The following CACNA2D3 variants were observed in gnomAD, a reference collection of about 807,000 sequenced individuals.
The protein encoded by CACNA2D3 is calcium voltage-gated channel auxiliary subunit alpha2delta 3, also known as voltage-dependent calcium channel subunit alpha-2/delta-3.
A neutral mutation model predicts 160.6 loss-of-function variants in CACNA2D3; 60 were observed. The ratio of observed to expected loss-of-function variants is 0.37; its 90% CI spans 0.30 to 0.46. The LOEUF (loss-of-function observed/expected upper bound fraction) is 0.46, where lower values mean the gene tolerates loss of function less well. Ranked by LOEUF, CACNA2D3 falls within the 20% of genes least tolerant of loss-of-function variation. The pLI is 1.00. For synonymous variants in CACNA2D3, 558 were observed against 492.9 expected, an observed-to-expected ratio of 1.13 and a Z score of -1.75; for missense variants, 1,205 against 1,365.0, an observed-to-expected ratio of 0.88 and a Z score of 1.85.
At position 54,969,851 on chromosome 3, in the gene CACNA2D3, C is replaced by T. The variant is rs377665125; in HGVS notation, c.2556+7C>T. On this transcript the variant is annotated splice_region_variant and intron_variant, in intron 29 of 37. Transcript: ENST00000474759. ...CATCAGCTGTGATGATGAGGTAAGACGGCCTCCTGGTCCTGTTTCTACCCC... is the reference window on the plus strand; with the variant it reads ...CATCAGCTGTGATGATGAGGTAAGATGGCCTCCTGGTCCTGTTTCTACCCC... The T allele has an allele frequency of 6.0e-5, 96 of 1,612,636 alleles. No individual in the cohort carries two copies. Among genetic ancestry groups the T allele is most frequent in the Non-Finnish European group, 7.8e-5 (92 of 1,179,102 alleles).
chr3:54,405,470 G>C (rs35221846), intron 4 of CACNA2D3, among the ~76,000 whole-genome samples: 1 of 151,848 alleles, frequency 6.6e-6, no homozygotes, highest in East Asian at 1.9e-4. Context: ...CACAATGGGG[G>C]AAAGAATAGT....
At chr3:54,566,917 G>T (rs959869074) in intron 6 of CACNA2D3, among the ~76,000 whole-genome samples, 11 of 152,144 alleles carry the variant, frequency 7.2e-5, no homozygotes, top group African/African-American at 2.4e-4. Context: ...TCAAGTTCAG[G>T]TTCTGTGCAC....
intron 11 of CACNA2D3, among the ~76,000 whole-genome samples, chr3:54,670,159 A>G (rs1700132311): frequency 6.6e-6 from 1 of 152,300 alleles, no homozygotes; most frequent in South Asian, 2.1e-4. Context: ...CAGCATGCCC[A>G]TACGTTTTCT....
At chr3:54,960,232 G>A (rs975710267) in intron 27 of CACNA2D3, among the ~76,000 whole-genome samples, 3 of 152,056 alleles carry the variant, frequency 2.0e-5, no homozygotes, top group Admixed American at 6.5e-5. Context: ...CTTCTGCTGC[G>A]GCCTTGTCAA....
chr3:54,584,426 T>C (rs1045950771), intron 9 of CACNA2D3, among the ~76,000 whole-genome samples: 3 of 152,088 alleles, frequency 2.0e-5, no homozygotes, highest in African/African-American at 7.2e-5. Context: ...AGAGTGAAGA[T>C]GACAGCAGAT....
At chr3:54,490,781 A>G (rs920656781) in intron 4 of CACNA2D3, among the ~76,000 whole-genome samples, 3 of 152,116 alleles carry the variant, frequency 2.0e-5, no homozygotes, top group Non-Finnish European at 4.4e-5. Flanking sequence ...AGTTTCCCCC[A>G]TGGGGAGAAG....
At chr3:54,449,698 C>A (rs1700275891) in intron 4 of CACNA2D3, among the ~76,000 whole-genome samples, 1 of 152,120 alleles carries the variant, frequency 6.6e-6, no homozygotes, top group Non-Finnish European at 1.5e-5. Flanking sequence ...CTCCACCTAC[C>A]TTTTTGTCCC....
chr3:54,577,689 A>C (rs1258371371), intron 8 of CACNA2D3, among the ~76,000 whole-genome samples: 1 of 152,104 alleles, frequency 6.6e-6, no homozygotes, highest in African/African-American at 2.4e-5. Flanking sequence ...TCTCATTCTT[A>C]CGTGCCAGGT....
intron 11 of CACNA2D3, among the ~76,000 whole-genome samples, chr3:54,687,121 C>CTTTTTCTTTTTCTTTTTCTTT: frequency 1.7e-4 from 16 of 94,964 alleles, no homozygotes; most frequent in African/African-American, 6.0e-4. Flanking sequence ...TTTTCTTTTT[C>CTTTTTCTTTTTCTTTTTCTTT]TTTTTTTTTT....
intron 8 of CACNA2D3, among the ~76,000 whole-genome samples, chr3:54,578,893 C>A (rs963678491): frequency 3.3e-5 from 5 of 152,212 alleles, no homozygotes; most frequent in African/African-American, 4.8e-5. Context: ...TCTGTTGCCT[C>A]ACTCAATTTC....
chr3:54,882,576 G>A (rs1358533948), intron 21 of CACNA2D3, among the ~76,000 whole-genome samples: 3 of 152,172 alleles, frequency 2.0e-5, no homozygotes, highest in Admixed American at 6.5e-5. Flanking sequence ...TCAGCAAGGG[G>A]GAGAGTGGCT....
At chr3:54,841,524 C>T (rs924214074) in intron 16 of CACNA2D3, among the ~76,000 whole-genome samples, 21 of 152,160 alleles carry the variant, frequency 1.4e-4, no homozygotes, top group Admixed American at 4.6e-4. Flanking sequence ...CAGCCATGGC[C>T]AAATGGGCCC....
chr3:54,469,165 C>G (rs982210516), intron 4 of CACNA2D3, among the ~76,000 whole-genome samples: 2 of 152,164 alleles, frequency 1.3e-5, no homozygotes, highest in African/African-American at 4.8e-5. Flanking sequence ...ATAGACACCT[C>G]ATACAGGAGA....
chr3:54,809,022 T>A (rs1331244204), intron 13 of CACNA2D3, among the ~76,000 whole-genome samples: 1 of 152,184 alleles, frequency 6.6e-6, no homozygotes, highest in Non-Finnish European at 1.5e-5. Context: ...CTCACATTAA[T>A]CTCATGAAAT....
intron 4 of CACNA2D3, among the ~76,000 whole-genome samples, chr3:54,393,006 T>C (rs1699308277): frequency 6.6e-6 from 1 of 152,180 alleles, no homozygotes; most frequent in Non-Finnish European, 1.5e-5. Flanking sequence ...AATAAACTGC[T>C]GGATTTTGAT....
intron 27 of CACNA2D3, chr3:54,918,348 TTTTTTTTGTC>T: frequency 2.5e-6 from 1 of 402,882 alleles, no homozygotes; most frequent in African/African-American, 2.2e-5. Context: ...TTTTTTTTTT[TTTTTTTTGTC>T]TTTTGGCAAA....
chr3:54,333,606 C>A (rs539469553), intron 3 of CACNA2D3, among the ~76,000 whole-genome samples: 3 of 152,040 alleles, frequency 2.0e-5, no homozygotes, highest in Non-Finnish European at 4.4e-5. Context: ...TACAGCCCAC[C>A]GAGAGTGAAG....
At chr3:54,960,334 A>G (rs886629128) in intron 27 of CACNA2D3, among the ~76,000 whole-genome samples, 2 of 152,176 alleles carry the variant, frequency 1.3e-5, no homozygotes, top group African/African-American at 4.8e-5. Context: ...TGTATAAGAA[A>G]GATTACCAAC....
chr3:54,222,976 G>A (rs1337720957), intron 2 of CACNA2D3, among the ~76,000 whole-genome samples: 1 of 152,092 alleles, frequency 6.6e-6, no homozygotes, highest in Non-Finnish European at 1.5e-5. Flanking sequence ...CATATGTTCT[G>A]TGTTACTTTT....
Sources: allele counts gnomAD v4.1 joint callset (sites outside exome capture counted in the v4.1 genomes callset), GRCh38; gene constraint gnomAD v4.1.1; transcripts MANE v1.5; gene names NCBI Gene and HGNC (gene_info 2026-07-23, HGNC 2026-07-21).